The following KCTD8 variants were observed in gnomAD, a reference collection of about 807,000 sequenced individuals.
KCTD8 encodes the protein potassium channel tetramerization domain containing 8.
In KCTD8, 27 loss-of-function variants were observed where a neutral mutation model predicts 31.5. The ratio of observed to expected loss-of-function variants is 0.86; its 90% CI spans 0.63 to 1.18. The LOEUF is 1.18. KCTD8 is among the 50% of genes most tolerant of loss of function. The probability of loss-of-function intolerance (pLI) is 0.00; values close to 1 mark genes in which losing one functional copy is unlikely to be tolerated. For synonymous variants in KCTD8, 290 were observed against 280.0 expected, an observed-to-expected ratio of 1.04 and a Z score of -0.36; for missense variants, 658 against 647.7, an observed-to-expected ratio of 1.02 and a Z score of -0.17.
intron 1 of KCTD8, among the ~76,000 whole-genome samples, chr4:44,414,067 T>C (rs548862809): frequency 2.6e-5 from 4 of 152,250 alleles, no homozygotes; most frequent in African/African-American, 9.6e-5. Flanking sequence ...TTTAGCCCAA[T>C]AAGATCCACT....
At chr4:44,344,915 C>T (rs548684683) in intron 1 of KCTD8, among the ~76,000 whole-genome samples, 1 of 152,218 alleles carries the variant, frequency 6.6e-6, no homozygotes, top group South Asian at 2.1e-4. Flanking sequence ...GTAAAGTATT[C>T]ATATTTGTTC....
At chr4:44,381,138 A>G (rs999849952) in intron 1 of KCTD8, among the ~76,000 whole-genome samples, 7 of 152,052 alleles carry the variant, frequency 4.6e-5, no homozygotes, top group African/African-American at 1.4e-4. Context: ...AGCATTCACA[A>G]TTATTACTCA....
intron 1 of KCTD8, among the ~76,000 whole-genome samples, chr4:44,203,017 G>A (rs1714195902): frequency 6.6e-6 from 1 of 151,900 alleles, no homozygotes; most frequent in South Asian, 2.1e-4. Flanking sequence ...CATGGTTTTT[G>A]AACAAAAGAT....
chr4:44,400,061 A>C (rs926315359), intron 1 of KCTD8, among the ~76,000 whole-genome samples: 5 of 152,156 alleles, frequency 3.3e-5, no homozygotes, highest in African/African-American at 4.8e-5. Flanking sequence ...TTTGTAGTAC[A>C]TTTTCAAATG....
At chr4:44,226,080 G>A (rs908330121) in intron 1 of KCTD8, among the ~76,000 whole-genome samples, 4 of 151,926 alleles carry the variant, frequency 2.6e-5, no homozygotes, top group Admixed American at 2.0e-4. Flanking sequence ...CGCCCACCTC[G>A]GCCTCCCAAA....
intron 1 of KCTD8, among the ~76,000 whole-genome samples, chr4:44,374,961 A>C (rs1450285369): frequency 2.0e-5 from 3 of 152,224 alleles, no homozygotes; most frequent in Admixed American, 6.5e-5. Flanking sequence ...ATTGTTTGAT[A>C]CAAGGTTGTC....
intron 1 of KCTD8, among the ~76,000 whole-genome samples, chr4:44,368,491 T>C (rs1719699035): frequency 6.6e-6 from 1 of 152,178 alleles, no homozygotes; most frequent in Non-Finnish European, 1.5e-5. Context: ...ACACTAATTC[T>C]TTTGGGTGAG....
chr4:44,355,991 C>A (rs1175976638), intron 1 of KCTD8, among the ~76,000 whole-genome samples: 5 of 152,194 alleles, frequency 3.3e-5, no homozygotes, highest in Non-Finnish European at 1.5e-5. Context: ...AAAATGACCA[C>A]TAAACTTAGA....
chr4:44,294,629 A>C, intron 1 of KCTD8, among the ~76,000 whole-genome samples: 1 of 152,154 alleles, frequency 6.6e-6, no homozygotes, highest in East Asian at 1.9e-4. Flanking sequence ...TTGTCCCCTA[A>C]GGCTTCACTT....
chr4:44,279,585 C>A (rs1009276081), intron 1 of KCTD8, among the ~76,000 whole-genome samples: 5 of 152,064 alleles, frequency 3.3e-5, no homozygotes, highest in Admixed American at 2.0e-4. Flanking sequence ...ACTTTAATTA[C>A]ATCTAGAAAT....
Position 44,254,034 on chromosome 4 carries a change from T to TGGCA in KCTD8, c.962-78788_962-78785dup, listed in dbSNP as rs1715922384. On this transcript the variant is annotated intron_variant, in intron 1 of 1. Coordinates refer to ENST00000360029, the MANE Select transcript of KCTD8 (RefSeq NM_198353.3). ...CCTGTGTTATATGTGGTGGAAAATG[T>TGGCA]GGCAACACAGTCACCTGCAACCATA... Among the ~76,000 whole-genome samples the TGGCA allele has an allele frequency of 2.0e-5, 3 of 151,832 alleles. No individual in the cohort carries two copies. The South Asian group carries it at 6.2e-4, about 31-fold the overall frequency.
At chr4:44,339,062 G>C (rs1184188444) in intron 1 of KCTD8, among the ~76,000 whole-genome samples, 1 of 151,970 alleles carries the variant, frequency 6.6e-6, no homozygotes, top group African/African-American at 2.4e-5. Flanking sequence ...AGAAATTTAG[G>C]GTTAATAAAG....
intron 1 of KCTD8, among the ~76,000 whole-genome samples, chr4:44,268,723 A>C (rs1716473765): frequency 6.6e-6 from 1 of 152,206 alleles, no homozygotes; most frequent in Non-Finnish European, 1.5e-5. Context: ...AATGTACAAA[A>C]ATCACAAACG....
intron 1 of KCTD8, among the ~76,000 whole-genome samples, chr4:44,181,350 G>C (rs1340421616): frequency 6.6e-6 from 1 of 152,110 alleles, no homozygotes; most frequent in Non-Finnish European, 1.5e-5. Context: ...TCCCTGCCTG[G>C]TTCTCCTGCC....
intron 1 of KCTD8, among the ~76,000 whole-genome samples, chr4:44,199,147 A>G (rs571259287): frequency 1.3e-5 from 2 of 152,302 alleles, no homozygotes; most frequent in Middle Eastern, 3.4e-3. Flanking sequence ...CCAGATTCAC[A>G]AAACAAGTTC....
chr4:44,364,266 A>G (rs543123645), intron 1 of KCTD8, among the ~76,000 whole-genome samples: 3 of 152,266 alleles, frequency 2.0e-5, no homozygotes, highest in Admixed American at 1.3e-4. Context: ...TTTTTTAAAG[A>G]CAGTTAAAAT....
intron 1 of KCTD8, among the ~76,000 whole-genome samples, chr4:44,341,936 T>A (rs982475662): frequency 1.3e-5 from 2 of 152,214 alleles, no homozygotes; most frequent in East Asian, 1.9e-4. Flanking sequence ...CCTTAGGAAA[T>A]GTATCTCTTA....
intron 1 of KCTD8, among the ~76,000 whole-genome samples, chr4:44,363,333 C>G (rs796343565): frequency 6.6e-6 from 1 of 152,060 alleles, no homozygotes; most frequent in African/African-American, 2.4e-5. Flanking sequence ...AAAAACATAT[C>G]TTTGATGTGT....
intron 1 of KCTD8, among the ~76,000 whole-genome samples, chr4:44,359,278 G>A (rs1204703347): frequency 6.6e-6 from 1 of 151,664 alleles, no homozygotes; most frequent in Non-Finnish European, 1.5e-5. Flanking sequence ...TTTTCTTCTA[G>A]GGTTTTTTTT....
Sources: gnomAD v4.1 joint callset for allele counts (sites outside exome capture counted in the v4.1 genomes callset) on GRCh38, gnomAD v4.1.1 for gene constraint, MANE v1.5 for transcripts, NCBI Gene and HGNC (gene_info 2026-07-23, HGNC 2026-07-21) for gene names.